Variants in SLC13A4 observed in about 807,000 individuals in gnomAD.
The protein encoded by SLC13A4 is solute carrier family 13 member 4.
In SLC13A4, 28 loss-of-function variants were observed where a neutral mutation model predicts 72.7. The observed-to-expected ratio is 0.39, with a 90% confidence interval of 0.29 to 0.53. The LOEUF (loss-of-function observed/expected upper bound fraction) is 0.53. SLC13A4 is among the 20% of genes least tolerant of loss of function. The pLI is 0.78. For missense variants in SLC13A4, 653 were observed against 788.0 expected, an observed-to-expected ratio of 0.83 and a Z score of 2.05; for synonymous variants, 312 against 325.5, an observed-to-expected ratio of 0.96 and a Z score of 0.45.
chr7:135,692,438 C>G lies in SLC13A4; in HGVS notation c.1122-14G>C. 1.3e-6 allele frequency: 2 copies of G among 1,571,318 alleles called. No individual in the cohort carries two copies. The highest frequency in any genetic ancestry group is 2.3e-5 in the South Asian group (2 of 87,332). On this transcript the variant is annotated splice_polypyrimidine_tract_variant and intron_variant, in intron 10 of 15. Transcript: ENST00000682651. The stretch of plus-strand genomic sequence containing the variant: ...ATTTCTGGGTAGCTATAAAATAAAA[C>G]AGAAAGACCCACTCAGGAACTGAGA...
At chr7:135,698,634 CTTTT>C (rs35575379) in intron 8 of SLC13A4, among the ~76,000 whole-genome samples, 2 of 107,304 alleles carry the variant, frequency 1.9e-5, no homozygotes. Context: ...CGTGCTGGGA[CTTTT>C]TTTTTTTTTT....
At chr7:135,726,304 T>G (rs1796655493) in intron 1 of SLC13A4, among the ~76,000 whole-genome samples, 1 of 152,170 alleles carries the variant, frequency 6.6e-6, no homozygotes, top group South Asian at 2.1e-4. Flanking sequence ...CCAGCCCAGT[T>G]TTAATCAGCG....
At chr7:135,688,115 A>T (rs548148931) in intron 13 of SLC13A4, among the ~76,000 whole-genome samples, 37 of 152,062 alleles carry the variant, frequency 2.4e-4, no homozygotes, top group African/African-American at 8.9e-4. Context: ...AGCTGGGATT[A>T]CAGGCGCGTG....
At chr7:135,696,740 C>T (rs2129494261) in intron 8 of SLC13A4, among the ~76,000 whole-genome samples, 2 of 152,330 alleles carry the variant, frequency 1.3e-5, no homozygotes, top group Middle Eastern at 6.8e-3. Flanking sequence ...GTCCTCAACT[C>T]ACCAGAATCT....
chr7:135,725,046 G>A (rs1334778010), intron 1 of SLC13A4, among the ~76,000 whole-genome samples: 1 of 152,190 alleles, frequency 6.6e-6, no homozygotes, highest in Non-Finnish European at 1.5e-5. Flanking sequence ...CAACCCCCAG[G>A]CTCTTTAACA....
rs1796153458 is a variant in SLC13A4, at chr7:135,706,067, G to A, written c.538+61C>T. ...TGGGCAGTCTCCCTAGAGGAGCCAG[G>A]CAGGAGGACCCCAGGGGAGGTTGGA... On this transcript the variant is annotated intron_variant, in intron 4 of 15. Transcript: ENST00000682651. 7 of 1,501,100 alleles carry A rather than the reference G, an allele frequency of 4.7e-6. No homozygotes were observed. The African/African-American group carries it at 5.5e-5, about 12-fold the overall frequency. 93.0% of individuals were successfully genotyped at this position (1,501,100 alleles called of 1,614,324 possible). A position where few individuals can be genotyped will look rare whatever the true frequency, so the allele number is the denominator to read the frequency against.
chr7:135,702,646 GA>G (rs1262567215), intron 6 of SLC13A4, 198 bp downstream of exon 6: 49 of 561,568 alleles, frequency 8.7e-5, no homozygotes, highest in Non-Finnish European at 1.3e-4. Flanking sequence ...AAAGTGCTGG[GA>G]GTACAGGCAT....
At chr7:135,715,372 AGT>A (rs1199590126) in intron 2 of SLC13A4, among the ~76,000 whole-genome samples, 2 of 78,718 alleles carry the variant, frequency 2.5e-5, no homozygotes, top group Non-Finnish European at 4.8e-5. Flanking sequence ...TATGTGTATG[AGT>A]GTGTGAGTGT....
At chr7:135,699,296 G>A in intron 8 of SLC13A4, 68 bp downstream of exon 8, 2 of 1,400,120 alleles carry the variant, frequency 1.4e-6, no homozygotes, top group South Asian at 1.5e-5. Context: ...CATATCTCTA[G>A]CACCTAGTCC....
chr7:135,708,096 AT>A lies in SLC13A4; in HGVS notation c.365+17del, dbSNP rs1374684930. ...CTAGAAGGATGCCCTATGTCCTGGC[AT>A]CCCAAATAAGACTTACATGCCCGGC... On this transcript the variant is annotated intron_variant, in intron 3 of 15. Transcript: ENST00000682651. 1.2e-6 allele frequency: 2 copies of A among 1,609,202 alleles called. No homozygotes were observed. Among genetic ancestry groups the A allele is most frequent in the Non-Finnish European group, 1.7e-6 (2 of 1,175,912 alleles).
Position 135,681,590 on chromosome 7 carries a change from C to T in SLC13A4, c.1857G>A (p.Arg619=), listed in dbSNP as rs1795502666. 1 of 1,613,944 alleles carries T rather than the reference C, an allele frequency of 6.2e-7. No homozygotes were observed. Among genetic ancestry groups the T allele is most frequent in the African/African-American group, 1.3e-5 (1 of 75,034 alleles). ...FHLDTYPAWA[R]VSNITDQA ...AGGCTTGATCAGTGATGTTGCTGAC[C>T]CTCGCCCATGCTGGGTAAGTGTCCA... Residue 619 remains arginine, a synonymous_variant, in exon 16 of 16, where the codon AGG becomes AGA. Coordinates refer to ENST00000682651, the MANE Select transcript of SLC13A4 (RefSeq NM_001318192.2).
rs1020941290 is a variant in SLC13A4, at chr7:135,685,588, G to A, written c.1542C>T (p.Ser514=). 1.2e-6 allele frequency: 2 copies of A among 1,614,094 alleles called. No homozygotes were observed. The highest frequency in any genetic ancestry group is 1.7e-5 in the Admixed American group (1 of 60,014). ...AVTLLACILV[S]IVTEFVSNPA... is the part of the protein sequence containing the mutation. ...GGTTGCTCACAAACTCAGTGACAAT[G>A]GACACGAGGATGCATGCCAGCAGGG... Residue 514 remains serine, a synonymous_variant, in exon 14 of 16, where the codon TCC becomes TCT. Transcript: ENST00000682651.
intron 5 of SLC13A4, 118 bp from the exon 6 acceptor site, chr7:135,703,002 T>C (rs2129494596): frequency 2.7e-6 from 2 of 730,678 alleles, no homozygotes; most frequent in East Asian, 2.6e-5. Context: ...TCCAGTTTTC[T>C]AGTCTCCAGA....
chr7:135,719,781 A>ATGTGTGTGTGTGTGTGTG (rs968225969), intron 2 of SLC13A4, among the ~76,000 whole-genome samples: 13 of 146,014 alleles, frequency 8.9e-5, no homozygotes, highest in South Asian at 6.6e-4. Context: ...TCAATGCCAC[A>ATGTGTGTGTGTGTGTGTG]TGTGTGTGTG....
chr7:135,699,217 G>A, intron 8 of SLC13A4, 147 bp downstream of exon 8: 1 of 817,138 alleles, frequency 1.2e-6, no homozygotes, highest in East Asian at 3.0e-5. Context: ...CCTTATTACA[G>A]ATATGAGCCA....
At chr7:135,687,242 G>A (rs1232344295) in intron 13 of SLC13A4, among the ~76,000 whole-genome samples, 1 of 151,992 alleles carries the variant, frequency 6.6e-6, no homozygotes, top group African/African-American at 2.4e-5. Context: ...CTCTTCTATG[G>A]TGACAGGCTC....
chr7:135,715,389 G>A (rs79060216), intron 2 of SLC13A4, among the ~76,000 whole-genome samples: 1 of 132,412 alleles, frequency 7.6e-6, no homozygotes, highest in South Asian at 2.5e-4. Context: ...GAGTGTGTAT[G>A]TGTGAACATG....
At chr7:135,724,896 G>A (rs1342113560) in intron 1 of SLC13A4, among the ~76,000 whole-genome samples, 1 of 152,140 alleles carries the variant, frequency 6.6e-6, no homozygotes, top group South Asian at 2.1e-4. Context: ...CAAAAATACT[G>A]CAAAGTTTGC....
chr7:135,715,062 ATGTG>A (rs112275841), intron 2 of SLC13A4, among the ~76,000 whole-genome samples: 39 of 149,998 alleles, frequency 2.6e-4, no homozygotes, highest in Non-Finnish European at 4.0e-4. Context: ...GTGTATGTGA[ATGTG>A]TGTGTGTATG....
Sources: gnomAD v4.1 joint callset for allele counts (sites outside exome capture counted in the v4.1 genomes callset) on GRCh38, gnomAD v4.1.1 for gene constraint, MANE v1.5 for transcripts, NCBI Gene and HGNC (gene_info 2026-07-23, HGNC 2026-07-21) for gene names.